PHTF1: variants seen among roughly 807,000 people sequenced by gnomAD.
PHTF1 encodes the protein protein PHTF1.
In PHTF1, 88 loss-of-function variants were observed where a neutral mutation model predicts 102.4. The observed-to-expected ratio is 0.86, with a 90% CI of 0.72 to 1.03. The LOEUF is 1.03. PHTF1 is among the 50% of genes least tolerant of loss of function. PHTF1 has a pLI of 0.00. For synonymous variants in PHTF1, 289 were observed against 305.2 expected (o/e 0.95, Z 0.55); for missense variants, 814 against 909.5 (o/e 0.89, Z 1.35).
At chr1:113,758,561 G>A (rs577669946) in intron 2 of PHTF1, 98 bp downstream of exon 2, 3 of 570,292 alleles carry the variant, frequency 5.3e-6, no homozygotes, top group African/African-American at 3.9e-5. Context: ...TGAACACCTG[G>A]CACTACTAAA....
intron 7 of PHTF1, among the ~76,000 whole-genome samples, chr1:113,720,161 A>AT (rs1652689331): frequency 6.6e-6 from 1 of 152,210 alleles, no homozygotes; most frequent in South Asian, 2.1e-4. Context: ...AGCTATACTT[A>AT]TATTGGTCAA....
intron 5 of PHTF1, among the ~76,000 whole-genome samples, chr1:113,731,228 A>T (rs1047570386): frequency 4.6e-5 from 7 of 152,308 alleles, no homozygotes; most frequent in African/African-American, 1.7e-4. Context: ...AGGCCTTATA[A>T]GAAAAAAATC....
In PHTF1 at chr1:113,710,433, T is replaced by A. The variant is rs757719306; in HGVS notation, c.1090A>T (p.Met364Leu). Residue 364 changes from methionine to leucine, a missense_variant, in exon 11 of 19, where the codon ATG becomes TTG. Transcript: ENST00000369604. The part of the protein sequence containing the change: ...GVSGGSRSLN[M>L]SRRDSESTRH... The stretch of plus-strand genomic sequence containing the variant: ...GTGCTTTCTGAGTCTCTTCTTGACA[T>A]GTTGAGGCTTCGAGAGCCACCACTC... 1 of 1,614,086 alleles carries A rather than the reference T, an allele frequency of 6.2e-7. No individual in the cohort carries two copies. Among genetic ancestry groups the A allele is most frequent in the Admixed American group, 1.7e-5 (1 of 60,022 alleles).
chr1:113,702,995 C>T (rs1412980990), intron 15 of PHTF1, among the ~76,000 whole-genome samples: 1 of 152,156 alleles, frequency 6.6e-6, no homozygotes, highest in Non-Finnish European at 1.5e-5. Flanking sequence ...TAAAAGTCAA[C>T]TGCCCAAAAA....
chr1:113,735,734 T>C (rs1025799444), intron 5 of PHTF1, among the ~76,000 whole-genome samples: 4 of 152,156 alleles, frequency 2.6e-5, no homozygotes, highest in Admixed American at 6.5e-5. Flanking sequence ...ATTAAACCTA[T>C]AGATTTGTAA....
rs1334035575 is a variant in PHTF1 at position 113,758,314 on chromosome 1, A to G, written c.45+345T>C. ...TAGAGAGGAATAAAAGATAAGGAACAGCTCAATAAGATTGTTGATAGTATC... is the reference window on the plus strand; with the variant it reads ...TAGAGAGGAATAAAAGATAAGGAACGGCTCAATAAGATTGTTGATAGTATC... On this transcript the variant is annotated intron_variant, in intron 2 of 18. Coordinates refer to ENST00000369604, the MANE Select transcript of PHTF1 (RefSeq NM_001323043.2). Among the ~76,000 whole-genome samples the G allele has an allele frequency of 3.3e-5, 5 of 151,868 alleles. No homozygotes were observed. The East Asian group carries it at 9.6e-4, about 29-fold the overall frequency.
chr1:113,700,127 A>G (rs1423859045), intron 16 of PHTF1: 1 of 994,016 alleles, frequency 1.0e-6, no homozygotes, highest in Non-Finnish European at 1.2e-6. Context: ...TCATCTCACT[A>G]TCCCCCTAGA....
intron 3 of PHTF1, among the ~76,000 whole-genome samples, chr1:113,743,878 C>A (rs915453025): frequency 1.3e-5 from 2 of 152,168 alleles, no homozygotes; most frequent in Non-Finnish European, 2.9e-5. Flanking sequence ...CCTCACTTTA[C>A]GGATAAGGCA....
At chr1:113,697,785 G>A (rs1648953603) in intron 18 of PHTF1, 60 bp from the exon 19 acceptor site, 43 of 1,163,356 alleles carry the variant, frequency 3.7e-5, no homozygotes, top group Middle Eastern at 3.9e-4. Flanking sequence ...GGATTTATAG[G>A]TACACTTACA....
At chr1:113,734,599 CTAT>C (rs1334940761) in intron 5 of PHTF1, among the ~76,000 whole-genome samples, 1 of 152,114 alleles carries the variant, frequency 6.6e-6, no homozygotes, top group Admixed American at 6.6e-5. Flanking sequence ...TTGGCTCTTC[CTAT>C]GTGCTTATAG....
At chr1:113,698,719 T>A (rs1315087638) in intron 17 of PHTF1, among the ~76,000 whole-genome samples, 1 of 151,560 alleles carries the variant, frequency 6.6e-6, no homozygotes, top group Non-Finnish European at 1.5e-5. Context: ...GTAACAAAAT[T>A]GGAAATTTTT....
chr1:113,701,094 T>C, intron 15 of PHTF1, 145 bp from the exon 16 acceptor site: 1 of 636,886 alleles, frequency 1.6e-6, no homozygotes, highest in Middle Eastern at 4.3e-4. Context: ...TCATTAACTA[T>C]TACCTATTTA....
chr1:113,699,982 C>A, intron 16 of PHTF1, 183 bp from the exon 17 acceptor site: 1 of 779,834 alleles, frequency 1.3e-6, no homozygotes, highest in Non-Finnish European at 1.8e-6. Flanking sequence ...CTCCCTCTGG[C>A]AAAGAAAAAC....
intron 7 of PHTF1, among the ~76,000 whole-genome samples, chr1:113,717,253 T>C (rs1044587418): frequency 6.6e-6 from 1 of 151,890 alleles, no homozygotes; most frequent in Non-Finnish European, 1.5e-5. Flanking sequence ...AAATAAATTT[T>C]AAAATACCCC....
intron 1 of PHTF1, 62 bp downstream of exon 1, chr1:113,758,961 A>C: frequency 1.0e-6 from 1 of 952,876 alleles, no homozygotes; most frequent in Non-Finnish European, 1.3e-6. Flanking sequence ...GGGGAGGGGC[A>C]GGGGCCGCCG....
rs548049418 is a variant in PHTF1 at position 113,733,385 on chromosome 1, A to G, written c.331+4725T>C. ...AAAGAACAAATCCTAAATAAATAATATAAAATAAGGAAAACTTTGTTCCTG... is the reference window on the plus strand; with the variant it reads ...AAAGAACAAATCCTAAATAAATAATGTAAAATAAGGAAAACTTTGTTCCTG... On this transcript the variant is annotated intron_variant, in intron 5 of 18. Coordinates refer to ENST00000369604, the MANE Select transcript of PHTF1 (RefSeq NM_001323043.2). Among the ~76,000 whole-genome samples the G allele has an allele frequency of 2.0e-5, 3 of 152,274 alleles. No homozygotes were observed. In the East Asian group the frequency reaches 5.8e-4, roughly 29 times the overall value.
intron 7 of PHTF1, among the ~76,000 whole-genome samples, chr1:113,722,505 A>C (rs1026322326): frequency 4.6e-5 from 7 of 152,210 alleles, no homozygotes; most frequent in African/African-American, 1.4e-4. Flanking sequence ...GAACTGGAAG[A>C]ATGACTATTG....
At chr1:113,716,528 T>C (rs1652063201) in intron 7 of PHTF1, among the ~76,000 whole-genome samples, 1 of 151,936 alleles carries the variant, frequency 6.6e-6, no homozygotes, top group African/African-American at 2.4e-5. Flanking sequence ...ATTTTTATTT[T>C]TGTAGAGACT....
In PHTF1 at chr1:113,744,401, T is replaced by G. The variant is rs1445415661; in HGVS notation, c.103-5602A>C. On this transcript the variant is annotated intron_variant, in intron 3 of 18. Coordinates refer to ENST00000369604, the MANE Select transcript of PHTF1 (RefSeq NM_001323043.2). The stretch of plus-strand genomic sequence containing the variant: ...ATCTCTATTTCCTAGGGTGCTGAAA[T>G]TTTCTATTTTATTACAATCAAAAGA... 2.0e-5 allele frequency among the ~76,000 whole-genome samples: 3 copies of G among 152,192 alleles called. No homozygotes were observed. In the South Asian group the frequency reaches 6.2e-4, roughly 32 times the overall value.
Sources: allele counts gnomAD v4.1 joint callset (sites outside exome capture counted in the v4.1 genomes callset), GRCh38; gene constraint gnomAD v4.1.1; transcripts MANE v1.5; gene names NCBI Gene and HGNC (gene_info 2026-07-23, HGNC 2026-07-21).